Variants in KIRREL3 observed in about 807,000 individuals in gnomAD.
KIRREL3 encodes the protein kin of IRRE-like protein 3.
A neutral mutation model predicts 89.7 loss-of-function variants in KIRREL3; 36 were observed. The ratio of observed to expected loss-of-function variants is 0.40; its 90% confidence interval spans 0.31 to 0.53. The LOEUF (loss-of-function observed/expected upper bound fraction) is 0.53. Ranked by LOEUF, KIRREL3 falls within the 20% of genes least tolerant of loss-of-function variation. The probability of loss-of-function intolerance (pLI) is 0.49; values close to 1 mark genes in which losing one functional copy is unlikely to be tolerated. For synonymous variants in KIRREL3, 445 were observed against 441.4 expected (o/e 1.01, Z -0.10); for missense variants, 864 against 1,056.6 (o/e 0.82, Z 2.53).
In KIRREL3 at chr11:126,883,460, C is replaced by T. The variant is rs1427430719; in HGVS notation, c.55+116995G>A. Among the ~76,000 whole-genome samples, 3 of 152,072 alleles carry T rather than the reference C, an allele frequency of 2.0e-5. No individual in the cohort carries two copies. The highest frequency in any genetic ancestry group is 4.2e-4 in the South Asian group (2 of 4,816). On this transcript the variant is annotated intron_variant, in intron 1 of 16. Transcript: ENST00000525144. The surrounding 1 kb of genome is among the most constrained non-coding windows in gnomAD (Gnocchi z 4.1). ...CATTACTTCCAAAGGTCATGGTCAC[C>T]GTCACAATTTCCATGACCTTACTCA...
chr11:126,516,872 C>A lies in KIRREL3; in HGVS notation c.433+4443G>T, dbSNP rs1022223673. 1.3e-5 allele frequency among the ~76,000 whole-genome samples: 2 copies of A among 152,104 alleles called. No homozygotes were observed. Among genetic ancestry groups the A allele is most frequent in the African/African-American group, 4.8e-5 (2 of 41,410 alleles). ...CTTTGGGAGGCCAAGATGGGTGGATCACTTGAGGTCAAGTGTTCGAGACCA... is the reference window on the plus strand; with the variant it reads ...CTTTGGGAGGCCAAGATGGGTGGATAACTTGAGGTCAAGTGTTCGAGACCA... On this transcript the variant is annotated intron_variant, in intron 4 of 16. Transcript: ENST00000525144. The surrounding 1 kb of genome is among the most constrained non-coding windows in gnomAD (Gnocchi z 4.9).
At chr11:126,483,397 G>A (rs1340693072) in intron 4 of KIRREL3, among the ~76,000 whole-genome samples, 1 of 152,232 alleles carries the variant, frequency 6.6e-6, no homozygotes, top group Non-Finnish European at 1.5e-5. Flanking sequence ...TTACACGGGT[G>A]TCAGCTGCAA....
intron 1 of KIRREL3, among the ~76,000 whole-genome samples, chr11:126,728,445 G>A (rs1192780695): frequency 6.6e-6 from 1 of 152,144 alleles, no homozygotes; most frequent in Non-Finnish European, 1.5e-5. Context: ...CAGGAGTGTA[G>A]GCTTCCAGAG....
chr11:126,863,081 G>T (rs928184905), intron 1 of KIRREL3, among the ~76,000 whole-genome samples: 3 of 152,248 alleles, frequency 2.0e-5, no homozygotes, highest in Non-Finnish European at 4.4e-5. Flanking sequence ...TGTCTGAAAG[G>T]CTGTCAGCAC....
chr11:126,562,344 G>A lies in KIRREL3; in HGVS notation c.133+491C>T, dbSNP rs1940188425. 6.6e-6 allele frequency among the ~76,000 whole-genome samples: 1 copy of A among 152,194 alleles called. No individual in the cohort carries two copies. The highest frequency in any genetic ancestry group is 2.1e-4 in the South Asian group (1 of 4,826). On this transcript the variant is annotated intron_variant, in intron 2 of 16. Coordinates refer to ENST00000525144, the MANE Select transcript of KIRREL3 (RefSeq NM_032531.4). The surrounding 1 kb of genome is among the most constrained non-coding windows in gnomAD (Gnocchi z 4.7). ...GGAGGGGTAGGGTCAGTGGAGTTGG[G>A]AAAGGGGGCAGGTTTCCTAGGGTAA...
intron 7 of KIRREL3, among the ~76,000 whole-genome samples, chr11:126,451,389 T>G (rs1451470563): frequency 4.8e-5 from 7 of 145,820 alleles, no homozygotes; most frequent in Non-Finnish European, 1.0e-4. Context: ...TGTGCATGTG[T>G]GAACGTGTGC....
In KIRREL3 at chr11:126,983,577, A is replaced by ACCTCTTGT. The variant is rs1270786389; in HGVS notation, c.55+16877_55+16878insACAAGAGG. On this transcript the variant is annotated intron_variant, in intron 1 of 16. Coordinates refer to ENST00000525144, the MANE Select transcript of KIRREL3 (RefSeq NM_032531.4). This position sits in a 1 kb window ranked among gnomAD's most constrained non-coding sequence, Gnocchi z 4.9. ...TCAGAGTCAGTAGTAGGTGAGGTGA[A>ACCTCTTGT]GATGGAAGCAAGAGGTTGGAGTGAA... Among the ~76,000 whole-genome samples, 1 of 152,188 alleles carries ACCTCTTGT rather than the reference A, an allele frequency of 6.6e-6. No homozygotes were observed. The highest frequency in any genetic ancestry group is 2.4e-5 in the African/African-American group (1 of 41,450).
intron 1 of KIRREL3, among the ~76,000 whole-genome samples, chr11:126,695,980 G>A (rs938135905): frequency 1.3e-5 from 2 of 152,134 alleles, no homozygotes; most frequent in Non-Finnish European, 2.9e-5. Flanking sequence ...TGAGTCGGGC[G>A]AGGTGGCTTA....
chr11:126,584,987 C>G (rs2845929), intron 1 of KIRREL3, among the ~76,000 whole-genome samples: 21,779 of 151,592 alleles, frequency 0.14, 1,692 homozygotes, highest in African/African-American at 0.19. Context: ...GGCGCAATCT[C>G]GGCTCACTGC....
At chr11:126,540,362 C>T (rs192852647) in intron 2 of KIRREL3, among the ~76,000 whole-genome samples, 8 of 152,308 alleles carry the variant, frequency 5.3e-5, no homozygotes, top group Admixed American at 2.6e-4. Flanking sequence ...TCTGAGGGCA[C>T]ATTCCCCTAT....
At position 126,611,700 on chromosome 11, in the gene KIRREL3, C is replaced by T. The variant is rs116798537; in HGVS notation, c.56-48788G>A. 0.012 allele frequency among the ~76,000 whole-genome samples: 1,832 copies of T among 152,264 alleles called. 24 individuals are homozygous for T. The highest frequency in any genetic ancestry group is 0.041 in the African/African-American group (1,699 of 41,554). Reference sequence around the variant, plus strand: ...CTGCACGCACGTTGGGTTCACTGATCGCAGAGTCTTTTTCTGGCTGCCAAG... The same window carrying T: ...CTGCACGCACGTTGGGTTCACTGATTGCAGAGTCTTTTTCTGGCTGCCAAG... On this transcript the variant is annotated intron_variant, in intron 1 of 16. Transcript: ENST00000525144. The surrounding 1 kb of genome is among the most constrained non-coding windows in gnomAD (Gnocchi z 4.7).
In KIRREL3 at chr11:126,948,428, C is replaced by T. The variant is rs1389177790; in HGVS notation, c.55+52027G>A. Among the ~76,000 whole-genome samples, 2 of 152,230 alleles carry T rather than the reference C, an allele frequency of 1.3e-5. No individual in the cohort carries two copies. Among genetic ancestry groups the T allele is most frequent in the East Asian group, 3.9e-4 (2 of 5,168 alleles). On this transcript the variant is annotated intron_variant, in intron 1 of 16. Coordinates refer to ENST00000525144, the MANE Select transcript of KIRREL3 (RefSeq NM_032531.4). The surrounding 1 kb of genome is among the most constrained non-coding windows in gnomAD (Gnocchi z 4.5). The stretch of plus-strand genomic sequence containing the variant: ...GTCCAAGAGAGTCAAGTGCTATGCT[C>T]AGAGCTAAGAGAACAGCGGGGTAGA...
chr11:126,890,768 C>A lies in KIRREL3; in HGVS notation c.55+109687G>T, dbSNP rs903770282. Among the ~76,000 whole-genome samples, 2 of 152,246 alleles carry A rather than the reference C, an allele frequency of 1.3e-5. No homozygotes were observed. The highest frequency in any genetic ancestry group is 1.3e-4 in the Admixed American group (2 of 15,290). ...GACGACTGCAAACATGAGCGTCCCC[C>A]AGTCCCAGCACCACAGCGGCCTGCC... On this transcript the variant is annotated intron_variant, in intron 1 of 16. Transcript: ENST00000525144. This position sits in a 1 kb window ranked among gnomAD's most constrained non-coding sequence, Gnocchi z 5.1.
intron 1 of KIRREL3, among the ~76,000 whole-genome samples, chr11:126,745,582 T>C (rs1288643217): frequency 6.6e-6 from 1 of 152,076 alleles, no homozygotes; most frequent in Non-Finnish European, 1.5e-5. Context: ...CCAGTGGCTC[T>C]TTATTTCCCC....
At position 126,795,376 on chromosome 11, in the gene KIRREL3, A is replaced by G. The variant is rs1285659068; in HGVS notation, c.55+205079T>C. Among the ~76,000 whole-genome samples, 2 of 152,054 alleles carry G rather than the reference A, an allele frequency of 1.3e-5. No individual in the cohort carries two copies. The highest frequency in any genetic ancestry group is 2.9e-5 in the Non-Finnish European group (2 of 68,012). On this transcript the variant is annotated intron_variant, in intron 1 of 16. Coordinates refer to ENST00000525144, the MANE Select transcript of KIRREL3 (RefSeq NM_032531.4). This position sits in a 1 kb window ranked among gnomAD's most constrained non-coding sequence, Gnocchi z 4.1. ...GTACATATAAATTTTATTTTATTTT[A>G]CTTTATTTTTTGAGACAGAGTCTCA...
At chr11:126,583,225 C>A (rs60766640) in intron 1 of KIRREL3, among the ~76,000 whole-genome samples, 2,261 of 152,300 alleles carry the variant, frequency 0.015, 57 homozygotes, top group African/African-American at 0.05. Flanking sequence ...TGTTTCTGAG[C>A]CAAGGGTATT....
chr11:126,874,698 C>T (rs1323433859), intron 1 of KIRREL3, among the ~76,000 whole-genome samples: 1 of 152,138 alleles, frequency 6.6e-6, no homozygotes, highest in South Asian at 2.1e-4. Flanking sequence ...AATGTTTCCT[C>T]AAATACTTAA....
chr11:126,552,550 GTTTTTTT>G (rs59392843), intron 2 of KIRREL3, among the ~76,000 whole-genome samples: 385 of 81,682 alleles, frequency 4.7e-3, no homozygotes, highest in African/African-American at 0.014. Flanking sequence ...AGAGAGAAAA[GTTTTTTT>G]TTTTTTTTTT....
At chr11:126,674,091 T>C (rs556369540) in intron 1 of KIRREL3, among the ~76,000 whole-genome samples, 1 of 152,366 alleles carries the variant, frequency 6.6e-6, no homozygotes, top group South Asian at 2.1e-4. Context: ...AGCTCTCATC[T>C]TCAATGCTCC....
Sources: gnomAD v4.1 joint callset for allele counts (sites outside exome capture counted in the v4.1 genomes callset) on GRCh38, gnomAD v4.1.1 for gene constraint, Gnocchi (gnomAD v3.1) non-coding constraint, MANE v1.5 for transcripts, NCBI Gene and HGNC (gene_info 2026-07-23, HGNC 2026-07-21) for gene names.